The following COL9A1 variants were observed in gnomAD, a reference collection of about 807,000 sequenced individuals.
COL9A1 encodes the protein collagen alpha-1(IX) chain.
COL9A1 carries 104 observed loss-of-function variants against 142.6 expected under a neutral mutation model. The ratio of observed to expected loss-of-function variants is 0.73; its 90% CI spans 0.62 to 0.86. The LOEUF is 0.86. Among genes scored for constraint, COL9A1 ranks in the 40% least tolerant of loss-of-function variants. COL9A1 has a pLI of 0.00. For missense variants in COL9A1, 1,210 were observed against 1,176.6 expected, an observed-to-expected ratio of 1.03 and a Z score of -0.42; for synonymous variants, 466 against 396.0, an observed-to-expected ratio of 1.18 and a Z score of -2.10.
rs34147259 is a variant in COL9A1 at position 70,260,548 on chromosome 6, C to CA, written c.1449+108dup. ...GGGCAACAAGAGTGAAACTCCATCT[C>CA]AAAAAAAAAAAAAAAAAAGTTGTTG... On this transcript the variant is annotated intron_variant, in intron 20 of 37. Coordinates refer to ENST00000357250, the MANE Select transcript of COL9A1 (RefSeq NM_001851.6). 114,937 of 616,650 alleles carry CA rather than the reference C, an allele frequency of 0.19. 1,935 individuals are homozygous for CA. Among genetic ancestry groups the CA allele is most frequent in the Non-Finnish European group, 0.2 (81,100 of 410,326 alleles). 38.2% of individuals were successfully genotyped at this position (616,650 alleles called of 1,614,324 possible).
At chr6:70,299,405 T>C (rs1473360863) in intron 4 of COL9A1, among the ~76,000 whole-genome samples, 1 of 152,160 alleles carries the variant, frequency 6.6e-6, no homozygotes, top group African/African-American at 2.4e-5. Context: ...ATTTAGGTGA[T>C]ATCAAAACTA....
At position 70,266,196 on chromosome 6, in the gene COL9A1, C is replaced by T. The variant is rs924570797; in HGVS notation, c.1341+521G>A. 5.3e-5 allele frequency among the ~76,000 whole-genome samples: 8 copies of T among 152,202 alleles called. No individual in the cohort carries two copies. The South Asian group carries it at 6.2e-4, about 12-fold the overall frequency. ...GATTCTATTTCTATGCAGATAATAA[C>T]GTAAGTTATTACTAACCTCCAGCTT... On this transcript the variant is annotated intron_variant, in intron 18 of 37. Coordinates refer to ENST00000357250, the MANE Select transcript of COL9A1 (RefSeq NM_001851.6).
Position 70,294,354 on chromosome 6 carries a change from G to A in COL9A1, c.509C>T (p.Ser170Leu), listed in dbSNP as rs780899445. The change falls in exon 5 of 38, where the codon TCG (serine) becomes TTG (leucine). Residue 170 changes from serine to leucine, a missense_variant. Physicochemically the swap from Ser to Leu is moderately radical, Grantham distance 145. Transcript: ENST00000357250. ...LDGSLQTAAFSNLSSLFDSQW... is the reference protein window; with the variant it reads ...LDGSLQTAAFLNLSSLFDSQW... ...GGAATCAAACAAGGAGGACAAATTC[G>A]AAAAGGCTGCTGTTTGGAGACTTCC... is the stretch of plus-strand genomic sequence containing the variant. 24 of 1,613,916 alleles carry A rather than the reference G, an allele frequency of 1.5e-5. No individual in the cohort carries two copies. Among genetic ancestry groups the A allele is most frequent in the African/African-American group, 2.7e-5 (2 of 74,896 alleles).
intron 37 of COL9A1, among the ~76,000 whole-genome samples, chr6:70,223,804 C>T (rs1312716338): frequency 1.3e-5 from 2 of 152,138 alleles, no homozygotes; most frequent in African/African-American, 2.4e-5. Flanking sequence ...TGTCAGATAT[C>T]GTCTCAATTA....
At chr6:70,222,162 A>G (rs549272338) in intron 37 of COL9A1, among the ~76,000 whole-genome samples, 1 of 152,298 alleles carries the variant, frequency 6.6e-6, no homozygotes, top group Admixed American at 6.5e-5. Context: ...TATTTTCTCA[A>G]ATATATTATA....
intron 28 of COL9A1, chr6:70,245,602 C>G (rs939928027): frequency 1.2e-4 from 19 of 152,010 alleles, no homozygotes; most frequent in African/African-American, 4.6e-4. Context: ...AACAAGAGTT[C>G]CAATTTATAA....
intron 29 of COL9A1, 97 bp downstream of exon 29, chr6:70,242,564 TA>T (rs1770331631): frequency 2.9e-6 from 3 of 1,033,598 alleles, no homozygotes; most frequent in Non-Finnish European, 4.6e-6. Flanking sequence ...AGAAATCAAG[TA>T]CAGGTAATTC....
intron 14 of COL9A1, 57 bp from the exon 15 acceptor site, chr6:70,270,424 T>G: frequency 6.6e-7 from 1 of 1,520,596 alleles, no homozygotes; most frequent in Non-Finnish European, 9.1e-7. Context: ...ACACAGTACA[T>G]AAAACCAGTG....
At chr6:70,234,144 G>C (rs1329301913) in intron 35 of COL9A1, among the ~76,000 whole-genome samples, 1 of 152,162 alleles carries the variant, frequency 6.6e-6, no homozygotes, top group African/African-American at 2.4e-5. Flanking sequence ...ACAAAATGTA[G>C]AGAAAGCCTA....
intron 4 of COL9A1, among the ~76,000 whole-genome samples, chr6:70,298,099 A>G (rs1773911578): frequency 6.6e-6 from 1 of 152,176 alleles, no homozygotes; most frequent in Middle Eastern, 3.2e-3. Flanking sequence ...TCTCCTTGTC[A>G]ACCAGCTTTT....
At chr6:70,302,312 C>T (rs946325873) in intron 1 of COL9A1, among the ~76,000 whole-genome samples, 10 of 146,082 alleles carry the variant, frequency 6.8e-5, no homozygotes, top group East Asian at 2.1e-4. Context: ...TGGGTTCAAA[C>T]GATTCTCCTG....
At chr6:70,224,456 C>A (rs575982271) in intron 37 of COL9A1, among the ~76,000 whole-genome samples, 6 of 152,224 alleles carry the variant, frequency 3.9e-5, no homozygotes, top group Admixed American at 2.0e-4. Context: ...TCCCTATAAA[C>A]CATAATACAT....
chr6:70,284,704 C>A (rs368086563), intron 5 of COL9A1, among the ~76,000 whole-genome samples: 9 of 152,158 alleles, frequency 5.9e-5, no homozygotes, highest in African/African-American at 1.9e-4. Context: ...ACAAACCATG[C>A]TGGTATCTCT....
chr6:70,261,016 A>G (rs911580247), intron 19 of COL9A1: 3 of 290,400 alleles, frequency 1.0e-5, no homozygotes, highest in African/African-American at 6.6e-5. Flanking sequence ...CTTACCTTTT[A>G]ACTTGTATGT....
At chr6:70,235,843 G>A (rs1454951964) in intron 33 of COL9A1, among the ~76,000 whole-genome samples, 1 of 151,954 alleles carries the variant, frequency 6.6e-6, no homozygotes, top group African/African-American at 2.4e-5. Context: ...GGCCAGGTGC[G>A]GTGGCTCACG....
At chr6:70,244,494 A>G (rs1486072504) in intron 28 of COL9A1, among the ~76,000 whole-genome samples, 1 of 152,228 alleles carries the variant, frequency 6.6e-6, no homozygotes, top group Non-Finnish European at 1.5e-5. Context: ...CAAGTGCATC[A>G]TGATTGACAT....
chr6:70,302,280 G>C lies in COL9A1; in HGVS notation c.15-206C>G, dbSNP rs111772871. Among the ~76,000 whole-genome samples the C allele has an allele frequency of 3.5e-3, 519 of 146,770 alleles. 7 individuals carry two copies. Among genetic ancestry groups the C allele is most frequent in the African/African-American group, 0.012 (465 of 40,130 alleles). ...GCTGGAGTGCAATGGCGCGATCTCGGCTCTTTGCAACCTCCACCTCCTGGG... is the reference window on the plus strand; with the variant it reads ...GCTGGAGTGCAATGGCGCGATCTCGCCTCTTTGCAACCTCCACCTCCTGGG... On this transcript the variant is annotated intron_variant, in intron 1 of 37. Transcript: ENST00000357250.
intron 12 of COL9A1, among the ~76,000 whole-genome samples, chr6:70,273,678 G>A (rs1772550340): frequency 6.6e-6 from 1 of 152,136 alleles, no homozygotes; most frequent in African/African-American, 2.4e-5. Context: ...GAAGAATGTG[G>A]TGTGACACCA....
At position 70,225,960 on chromosome 6, in the gene COL9A1, G is replaced by A. The variant is rs534752381; in HGVS notation, c.2553C>T (p.Asn851=). The A allele has an allele frequency of 9.1e-5, 147 of 1,613,906 alleles. No individual in the cohort carries two copies. The highest frequency in any genetic ancestry group is 2.3e-4 in the Admixed American group (14 of 60,014). ...GGAGACCTATAGCTCCAGGCAAACC[G>A]TTGGGACCTCTTCCTGGAGGGCCAC... is the stretch of plus-strand genomic sequence containing the variant. ...GERGPPGRGP[N]GLPGAIGLPG... is the part of the protein sequence containing the mutation. Residue 851 remains asparagine, a synonymous_variant, in exon 37 of 38, where the codon AAC becomes AAT. Coordinates refer to ENST00000357250, the MANE Select transcript of COL9A1 (RefSeq NM_001851.6).
Sources: allele counts gnomAD v4.1 joint callset (sites outside exome capture counted in the v4.1 genomes callset), GRCh38; gene constraint gnomAD v4.1.1; transcripts MANE v1.5; gene names NCBI Gene and HGNC (gene_info 2026-07-23, HGNC 2026-07-21).